The following GLIS3 variants were observed in gnomAD, a reference collection of about 807,000 sequenced individuals.
GLIS3 encodes GLIS family zinc finger 3.
In GLIS3, 53 loss-of-function variants were observed where a neutral mutation model predicts 78.6. The ratio of observed to expected loss-of-function variants is 0.67; its 90% CI spans 0.54 to 0.85. The LOEUF (loss-of-function observed/expected upper bound fraction) is 0.85. Among genes scored for constraint, GLIS3 ranks in the 40% least tolerant of loss-of-function variants. The probability of loss-of-function intolerance (pLI) is 0.00; values close to 1 mark genes in which losing one functional copy is unlikely to be tolerated. For missense variants in GLIS3, 1,703 were observed against 1,231.1 expected, an observed-to-expected ratio of 1.38 and a Z score of -5.74; for synonymous variants, 684 against 509.9, an observed-to-expected ratio of 1.34 and a Z score of -4.60.
At chr9:4,437,850 G>A in the GLIS3 span, among the ~76,000 whole-genome samples, 80 of 152,136 alleles carry the variant, frequency 5.3e-4, 3 homozygotes, top group South Asian at 0.016. Flanking sequence ...TCTTTCTTAC[G>A]ATTTTCTTAA....
intron 2 of GLIS3, among the ~76,000 whole-genome samples, chr9:4,167,238 T>C (rs189212477): frequency 6.6e-6 from 1 of 151,864 alleles, no homozygotes; most frequent in Admixed American, 6.5e-5. Flanking sequence ...TCCATAGAAG[T>C]ATGTATTTCG....
At chr9:4,365,927 C>G in the GLIS3 span, among the ~76,000 whole-genome samples, 1 of 152,226 alleles carries the variant, frequency 6.6e-6, no homozygotes, top group Non-Finnish European at 1.5e-5. Context: ...TATTCACACT[C>G]TAGAGTCTAT....
At chr9:4,228,608 G>A (rs991154691) in intron 2 of GLIS3, among the ~76,000 whole-genome samples, 3 of 152,170 alleles carry the variant, frequency 2.0e-5, no homozygotes, top group African/African-American at 7.2e-5. Context: ...CGCAGTACAG[G>A]TACCGTTCTA....
At chr9:3,969,198 T>C (rs1818187831) in intron 4 of GLIS3, among the ~76,000 whole-genome samples, 1 of 152,204 alleles carries the variant, frequency 6.6e-6, no homozygotes, top group Non-Finnish European at 1.5e-5. Context: ...TCGAAGAAGG[T>C]AAAACAGACG....
chr9:4,084,858 C>A (rs1490631337), intron 4 of GLIS3, among the ~76,000 whole-genome samples: 1 of 151,818 alleles, frequency 6.6e-6, no homozygotes, highest in Non-Finnish European at 1.5e-5. Flanking sequence ...CAGGAATCTT[C>A]CAAAATGCTT....
the GLIS3 span, among the ~76,000 whole-genome samples, chr9:4,442,856 T>C: frequency 6.6e-6 from 1 of 152,128 alleles, no homozygotes; most frequent in South Asian, 2.1e-4. Context: ...AGTTTTGAAG[T>C]TGCCTCTGTG....
intron 4 of GLIS3, among the ~76,000 whole-genome samples, chr9:3,965,193 CTTTTTTTTT>C: frequency 1.0e-5 from 1 of 100,160 alleles, no homozygotes; most frequent in East Asian, 3.1e-4. Context: ...CTTTTCTTTT[CTTTTTTTTT>C]TTTTTTTTTT....
intron 2 of GLIS3, among the ~76,000 whole-genome samples, chr9:4,159,816 C>A (rs1021112623): frequency 6.6e-6 from 1 of 152,122 alleles, no homozygotes; most frequent in Non-Finnish European, 1.5e-5. Flanking sequence ...TTGTGACCAA[C>A]AATGAAATAC....
At chr9:4,143,756 C>G (rs2131000039) in intron 2 of GLIS3, among the ~76,000 whole-genome samples, 1 of 152,320 alleles carries the variant, frequency 6.6e-6, no homozygotes, top group Non-Finnish European at 1.5e-5. Context: ...CTGACAACCA[C>G]TATTCTACCC....
At chr9:4,023,960 G>A (rs930192587) in intron 4 of GLIS3, among the ~76,000 whole-genome samples, 13 of 151,908 alleles carry the variant, frequency 8.6e-5, no homozygotes, top group African/African-American at 2.4e-4. Flanking sequence ...AACAAGGGTG[G>A]TGAATCTAGT....
At chr9:3,875,776 G>T (rs1270652398) in intron 8 of GLIS3, among the ~76,000 whole-genome samples, 1 of 152,174 alleles carries the variant, frequency 6.6e-6, no homozygotes, top group Non-Finnish European at 1.5e-5. Flanking sequence ...GGCAAGGGAT[G>T]GGGCACACGT....
the GLIS3 span, among the ~76,000 whole-genome samples, chr9:4,442,242 T>C: frequency 7.9e-4 from 120 of 152,380 alleles, no homozygotes; most frequent in African/African-American, 2.7e-3. Context: ...TGGTGTATAA[T>C]TGTTCATAAT....
chr9:4,331,144 G>A (rs554198506), intron 2 of GLIS3, among the ~76,000 whole-genome samples: 2 of 151,638 alleles, frequency 1.3e-5, no homozygotes, highest in South Asian at 4.2e-4. Flanking sequence ...TAAGTCTCAA[G>A]TTGTCAGCAG....
intron 4 of GLIS3, among the ~76,000 whole-genome samples, chr9:4,110,855 T>C (rs530276516): frequency 6.6e-6 from 1 of 152,328 alleles, no homozygotes; most frequent in South Asian, 2.1e-4. Context: ...GAAGAAAACA[T>C]TTCTGAAAGA....
chr9:4,272,616 C>T (rs1297404119), intron 2 of GLIS3, among the ~76,000 whole-genome samples: 1 of 152,106 alleles, frequency 6.6e-6, no homozygotes, highest in Non-Finnish European at 1.5e-5. Flanking sequence ...ATATAAAATG[C>T]TACATAATTG....
chr9:4,371,097 TAAG>T, the GLIS3 span, among the ~76,000 whole-genome samples: 2 of 152,214 alleles, frequency 1.3e-5, no homozygotes, highest in African/African-American at 2.4e-5. Flanking sequence ...ATTTTTGTAA[TAAG>T]AAAAAAATAT....
chr9:4,336,706 G>A (rs1817763109), intron 2 of GLIS3, among the ~76,000 whole-genome samples: 1 of 152,122 alleles, frequency 6.6e-6, no homozygotes, highest in Non-Finnish European at 1.5e-5. Flanking sequence ...ATCACTTATG[G>A]GAAACGTGCG....
rs75854463 is a variant in GLIS3 at position 4,175,468 on chromosome 9, C to T, written c.389-49527G>A. On this transcript the variant is annotated intron_variant, in intron 2 of 10. Transcript: ENST00000381971. Reference sequence around the variant, plus strand: ...AATACATAATAAAAAGCTGGACCTCCAGCTACTGAACACAAATAACTTTAA... The same window carrying T: ...AATACATAATAAAAAGCTGGACCTCTAGCTACTGAACACAAATAACTTTAA... Among the ~76,000 whole-genome samples the T allele has an allele frequency of 8.1e-3, 1,211 of 150,352 alleles. 10 individuals are homozygous for T. Among genetic ancestry groups the T allele is most frequent in the African/African-American group, 0.027 (1,102 of 40,602 alleles).
intron 4 of GLIS3, among the ~76,000 whole-genome samples, chr9:3,953,777 CTCTCTCTCTCTCTCTCTCTA>C (rs1166489646): frequency 7.9e-5 from 3 of 38,160 alleles, no homozygotes; most frequent in African/African-American, 3.0e-4. Context: ...CTCTCTCTCT[CTCTCTCTCTCTCTCTCTCTA>C]TATATATATA....
Sources: allele counts gnomAD v4.1 joint callset (sites outside exome capture counted in the v4.1 genomes callset), GRCh38; gene constraint gnomAD v4.1.1; transcripts MANE v1.5; gene names NCBI Gene and HGNC (gene_info 2026-07-23, HGNC 2026-07-21).